The following SHPRH variants were observed in gnomAD, a reference collection of about 807,000 sequenced individuals.
SHPRH encodes E3 ubiquitin-protein ligase SHPRH.
In SHPRH, 106 loss-of-function variants were observed where a neutral mutation model predicts 202.5. The ratio of observed to expected loss-of-function variants is 0.52; its 90% confidence interval spans 0.45 to 0.62. SHPRH has a LOEUF of 0.62. SHPRH is among the 20% of genes least tolerant of loss of function. The pLI, the probability that SHPRH is intolerant of heterozygous loss-of-function variation, is 0.00. For missense variants in SHPRH, 1,710 were observed against 2,020.0 expected (o/e 0.85, Z 2.94); for synonymous variants, 729 against 686.0 (o/e 1.06, Z -0.98).
intron 16 of SHPRH, among the ~76,000 whole-genome samples, chr6:145,925,447 A>G (rs1213740849): frequency 6.6e-6 from 1 of 151,724 alleles, no homozygotes; most frequent in East Asian, 1.9e-4. Context: ...TCAAAACATC[A>G]GTCTCTACTC....
Position 145,946,235 on chromosome 6 carries a change from G to A in SHPRH, c.1319C>T (p.Pro440Leu), listed in dbSNP as rs770346839. 14 of 1,604,914 alleles carry A rather than the reference G, an allele frequency of 8.7e-6. No individual in the cohort carries two copies. The highest frequency in any genetic ancestry group is 1.2e-5 in the Non-Finnish European group (14 of 1,175,356). The change falls in exon 7 of 30, where the codon CCT becomes CTT. Residue 440 changes from proline (P) to leucine (L), a missense_variant and splice_region_variant. By Grantham distance (98) the Pro-to-Leu change is moderately conservative. Around this residue, in one of 8 missense-constraint regions of SHPRH, gnomAD observed 348 missense variants for 356.9 expected, o/e 0.97. Coordinates refer to ENST00000275233, the MANE Select transcript of SHPRH (RefSeq NM_001042683.3). Reference protein sequence around the residue: ...EFEPKEKVQCPPTRVMILTAV... With the variant: ...EFEPKEKVQCLPTRVMILTAV... ...CCTTTAAGAGATGTCTTACTTACGAGGGCATTGAACTTTTTCTTTTGGTTC... is the reference window on the plus strand; with the variant it reads ...CCTTTAAGAGATGTCTTACTTACGAAGGCATTGAACTTTTTCTTTTGGTTC...
intron 14 of SHPRH, among the ~76,000 whole-genome samples, chr6:145,928,375 C>T (rs1034753327): frequency 5.3e-5 from 8 of 151,634 alleles, no homozygotes; most frequent in African/African-American, 1.9e-4. Context: ...ACTGGCAAAA[C>T]CATGCAATCC....
In SHPRH at chr6:145,888,092, A is replaced by G. The variant is rs767193716; in HGVS notation, c.4883T>C (p.Ile1628Thr). 1.2e-6 allele frequency: 2 copies of G among 1,609,478 alleles called. No individual in the cohort carries two copies. The highest frequency in any genetic ancestry group is 1.1e-5 in the South Asian group (1 of 90,858). ...VHRIGQTKPT[I>T]VHRFLIKATI... is the part of the protein sequence containing the mutation. ...TGCTTTAATTAAGAATCTGTGTACA[A>G]TAGTAGGTCTAAAAGGTACAGAAGA... is the stretch of plus-strand genomic sequence containing the variant. Residue 1628 changes from isoleucine to threonine, a missense_variant, in exon 29 of 30, where the codon ATT becomes ACT. Ile to Thr is a moderately conservative substitution (Grantham distance 89). Around this residue, in one of 8 missense-constraint regions of SHPRH, gnomAD observed 306 missense variants for 479.5 expected, o/e 0.64. Coordinates refer to ENST00000275233, the MANE Select transcript of SHPRH (RefSeq NM_001042683.3).
chr6:145,924,200 A>G (rs1784671512), intron 17 of SHPRH, among the ~76,000 whole-genome samples: 1 of 151,976 alleles, frequency 6.6e-6, no homozygotes, highest in African/African-American at 2.4e-5. Flanking sequence ...ATAATCCACA[A>G]TAACTCACAA....
At chr6:145,961,027 T>A (rs1272848453) in intron 1 of SHPRH, among the ~76,000 whole-genome samples, 5 of 151,892 alleles carry the variant, frequency 3.3e-5, no homozygotes, top group Admixed American at 3.3e-4. Context: ...ACTGTTGATC[T>A]GACAGGAGGC....
chr6:145,920,762 C>T (rs1475912765), intron 21 of SHPRH, among the ~76,000 whole-genome samples: 1 of 151,918 alleles, frequency 6.6e-6, no homozygotes, highest in Non-Finnish European at 1.5e-5. Context: ...GAATGGTTTC[C>T]AAACTTATAG....
intron 9 of SHPRH, 49 bp from the exon 10 acceptor site, chr6:145,941,923 G>A (rs753297085): frequency 1.3e-6 from 2 of 1,591,928 alleles, no homozygotes; most frequent in Non-Finnish European, 1.7e-6. Context: ...CTCACTAAAG[G>A]CAATGAAATA....
chr6:145,907,436 T>C (rs1783064161), intron 25 of SHPRH: 1 of 152,190 alleles, frequency 6.6e-6, no homozygotes, highest in Non-Finnish European at 1.5e-5. Flanking sequence ...AGAGATCTTT[T>C]TGAAATCCAA....
At chr6:145,916,557 T>C (rs1783969588) in intron 23 of SHPRH, among the ~76,000 whole-genome samples, 1 of 152,196 alleles carries the variant, frequency 6.6e-6, no homozygotes, top group Admixed American at 6.5e-5. Context: ...CCTGTGTAAT[T>C]TGATTTTCCA....
At chr6:145,935,514 A>G in intron 11 of SHPRH, 73 bp from the exon 12 acceptor site, 1 of 1,451,592 alleles carries the variant, frequency 6.9e-7, no homozygotes, top group South Asian at 1.2e-5. Flanking sequence ...GCTTTTCTAC[A>G]GACATTACAC....
chr6:145,903,625 A>G (rs1241013596), intron 25 of SHPRH: 1 of 152,086 alleles, frequency 6.6e-6, no homozygotes, highest in African/African-American at 2.4e-5. Flanking sequence ...CAAAAAAAGC[A>G]ATTGTGTAGC....
At chr6:145,920,844 A>C (rs1268234343) in intron 21 of SHPRH, among the ~76,000 whole-genome samples, 2 of 152,124 alleles carry the variant, frequency 1.3e-5, no homozygotes, top group Non-Finnish European at 2.9e-5. Flanking sequence ...CAGAACAAAA[A>C]CAAAACTCTA....
At chr6:145,873,198 A>T (rs976522353) in intron 2 of SHPRH, among the ~76,000 whole-genome samples, 6 of 152,132 alleles carry the variant, frequency 3.9e-5, no homozygotes, top group African/African-American at 1.2e-4. Flanking sequence ...TTGGAAATAA[A>T]AAAAAAAGAG....
In SHPRH at chr6:145,948,305, C is replaced by A. The variant is rs376399451; in HGVS notation, c.1028G>T (p.Gly343Val). 101 of 1,604,462 alleles carry A rather than the reference C, an allele frequency of 6.3e-5. No individual in the cohort carries two copies. The highest frequency in any genetic ancestry group is 8.3e-5 in the Non-Finnish European group (98 of 1,175,076). ...FLWREIVTSEGLKLYYNPYTG... is the reference protein window; with the variant it reads ...FLWREIVTSEVLKLYYNPYTG... ...ATATGGATTATAGTAGAGTTTCAGA[C>A]CCTCAGATGTAACAATCTCTCGCCA... is the stretch of plus-strand genomic sequence containing the variant. The change falls in exon 5 of 30, where the codon GGT becomes GTT. Residue 343 changes from glycine (G) to valine (V), a missense_variant. By Grantham distance (109) the Gly-to-Val change is moderately radical (BLOSUM62 -3). Transcript: ENST00000275233.
chr6:145,878,593 C>A (rs1353896981), intron 2 of SHPRH, among the ~76,000 whole-genome samples: 1 of 152,124 alleles, frequency 6.6e-6, no homozygotes, highest in Non-Finnish European at 1.5e-5. Context: ...ATCCTTTGCC[C>A]AGTTTTAAAT....
At chr6:145,951,589 C>T (rs1294169485) in intron 3 of SHPRH, among the ~76,000 whole-genome samples, 1 of 152,064 alleles carries the variant, frequency 6.6e-6, no homozygotes, top group Admixed American at 6.6e-5. Context: ...TCTAGATGTA[C>T]TTAAATTCAT....
At chr6:145,908,401 TTTCTTCACAGCC>T (rs1158507648) in intron 25 of SHPRH, 1 of 152,190 alleles carries the variant, frequency 6.6e-6, no homozygotes, top group African/African-American at 2.4e-5. Context: ...AACGTTCCTA[TTTCTTCACAGCC>T]TTGCCAGCAT....
chr6:145,952,254 A>G (rs1407102242), intron 3 of SHPRH, 95 bp downstream of exon 3: 1 of 1,089,870 alleles, frequency 9.2e-7, no homozygotes, highest in Non-Finnish European at 1.3e-6. Context: ...TTATGGCTTT[A>G]TTAGCTGTTT....
chr6:145,875,488 A>G (rs1284121708), intron 2 of SHPRH, among the ~76,000 whole-genome samples: 1 of 152,212 alleles, frequency 6.6e-6, no homozygotes, highest in Non-Finnish European at 1.5e-5. Flanking sequence ...GTTCTACTCA[A>G]TATTTGAATG....
Sources: allele counts gnomAD v4.1 joint callset (sites outside exome capture counted in the v4.1 genomes callset), GRCh38; gene constraint gnomAD v4.1.1; regional missense constraint gnomAD v4.1.1; transcripts MANE v1.5; gene names NCBI Gene and HGNC (gene_info 2026-07-23, HGNC 2026-07-21).